Variants in NBAS observed in about 807,000 individuals in gnomAD.
NBAS encodes NAG/BC035112 fusion.
In NBAS, 219 loss-of-function variants were observed where a neutral mutation model predicts 302.5. That is an observed-to-expected ratio of 0.72 (90% CI 0.65 to 0.81). NBAS has a LOEUF of 0.81. NBAS is among the 30% of genes least tolerant of loss of function. NBAS has a pLI of 0.00. For synonymous variants in NBAS, 1,118 were observed against 1,021.6 expected (o/e 1.09, Z -1.80); for missense variants, 2,932 against 2,841.6 (o/e 1.03, Z -0.72).
intron 45 of NBAS, among the ~76,000 whole-genome samples, chr2:15,235,188 C>A (rs975994254): frequency 6.6e-6 from 1 of 152,156 alleles, no homozygotes; most frequent in African/African-American, 2.4e-5. Context: ...AGGTATTATA[C>A]ATATGGTATC....
intron 51 of NBAS, among the ~76,000 whole-genome samples, chr2:15,170,685 T>C (rs1424861183): frequency 1.3e-5 from 2 of 152,214 alleles, no homozygotes; most frequent in African/African-American, 4.8e-5. Flanking sequence ...ACTTTAAGAT[T>C]GTCAGCTGCA....
chr2:15,135,229 G>C, the NBAS span, among the ~76,000 whole-genome samples: 8 of 152,296 alleles, frequency 5.3e-5, no homozygotes, highest in South Asian at 1.2e-3. Context: ...AGGTGGCCTG[G>C]GGGGAGGCTG....
chr2:15,326,675 A>G lies in NBAS; in HGVS notation c.4582+1075T>C, dbSNP rs77544866. ...ATGTAAGATGTACCATAAATTTAAT[A>G]ATAGCTTTTTGGAGAAGAAAAGAAA... is the stretch of plus-strand genomic sequence containing the variant. On this transcript the variant is annotated intron_variant, in intron 38 of 51. Coordinates refer to ENST00000281513, the MANE Select transcript of NBAS (RefSeq NM_015909.4). Among the ~76,000 whole-genome samples the G allele has an allele frequency of 4.9e-3, 739 of 152,330 alleles. 11 individuals are homozygous for G. Among genetic ancestry groups the G allele is most frequent in the Non-Finnish European group, 4.2e-3 (289 of 68,026 alleles).
chr2:15,483,356 A>G (rs1429179063), intron 12 of NBAS: 9 of 438,452 alleles, frequency 2.1e-5, no homozygotes, highest in Non-Finnish European at 4.2e-5. Flanking sequence ...TCTACTTAAG[A>G]TTAGTCCAAC....
In NBAS at chr2:15,539,233, A is replaced by G. The variant is rs1663677128; in HGVS notation, c.503T>C (p.Val168Ala). The stretch of plus-strand genomic sequence containing the variant: ...AAGCTATGTACATACCGGGGAAATG[A>G]CAAAGAGTTCACTTCCCATGAGATC... ...VFDLMGSELFVISPASSFIGD... is the reference protein window; with the variant it reads ...VFDLMGSELFAISPASSFIGD... The change falls in exon 7 of 52, where the codon GTC becomes GCC. Residue 168 changes from valine (V) to alanine (A), a missense_variant. Coordinates refer to ENST00000281513, the MANE Select transcript of NBAS (RefSeq NM_015909.4). 3 of 1,614,104 alleles carry G rather than the reference A, an allele frequency of 1.9e-6. No homozygotes were observed. The highest frequency in any genetic ancestry group is 1.3e-5 in the African/African-American group (1 of 74,950).
intron 21 of NBAS, among the ~76,000 whole-genome samples, chr2:15,441,361 T>G (rs1295514149): frequency 8.2e-4 from 125 of 152,172 alleles, no homozygotes; most frequent in African/African-American, 2.9e-3. Context: ...TCAACATTCT[T>G]AAAGAAAAGA....
chr2:15,350,986 A>T lies in NBAS; in HGVS notation c.4179+1006T>A, dbSNP rs191439730. Among the ~76,000 whole-genome samples, 153 of 152,348 alleles carry T rather than the reference A, an allele frequency of 1.0e-3. No individual in the cohort carries two copies. The Middle Eastern group carries it at 0.01, about 10-fold the overall frequency. On this transcript the variant is annotated intron_variant, in intron 35 of 51. Transcript: ENST00000281513. ...TCACAATGCACATTTCCAGTGCTAC[A>T]TATATGCCTGAGAGAACTGTTTGCC...
At chr2:14,983,444 A>G in the NBAS span, among the ~76,000 whole-genome samples, 1 of 152,356 alleles carries the variant, frequency 6.6e-6, no homozygotes, top group East Asian at 1.9e-4. Flanking sequence ...CTTTATTTCT[A>G]AAGTGAGCAT....
intron 30 of NBAS, 127 bp from the exon 31 acceptor site, chr2:15,374,847 G>T: frequency 2.6e-6 from 2 of 781,172 alleles, no homozygotes; most frequent in Non-Finnish European, 4.3e-6. Context: ...TCCGCTGGAT[G>T]CCTTCTGTTA....
chr2:15,309,712 C>T (rs1014581833), intron 38 of NBAS, among the ~76,000 whole-genome samples: 20 of 152,202 alleles, frequency 1.3e-4, no homozygotes, highest in African/African-American at 4.8e-4. Flanking sequence ...GATTTTGTTC[C>T]TTCCAATAAC....
chr2:15,098,002 A>C, the NBAS span, among the ~76,000 whole-genome samples: 24 of 36,278 alleles, frequency 6.6e-4, no homozygotes, highest in African/African-American at 3.3e-3. Context: ...ATTGTATATA[A>C]TATATATATT....
intron 21 of NBAS, among the ~76,000 whole-genome samples, chr2:15,449,689 G>T (rs916598399): frequency 9.2e-5 from 14 of 152,120 alleles, no homozygotes; most frequent in African/African-American, 3.4e-4. Context: ...CCTACCACCA[G>T]ATCCTAACCC....
the NBAS span, among the ~76,000 whole-genome samples, chr2:14,985,826 G>A: frequency 6.6e-6 from 1 of 152,154 alleles, no homozygotes; most frequent in Non-Finnish European, 1.5e-5. Flanking sequence ...AAAATCAAAT[G>A]CAGTTAAAAT....
intron 9 of NBAS, among the ~76,000 whole-genome samples, chr2:15,517,299 T>G (rs1211944418): frequency 6.6e-6 from 1 of 152,124 alleles, no homozygotes; most frequent in Non-Finnish European, 1.5e-5. Context: ...ACAGTACTAT[T>G]TATAAAGCTG....
chr2:15,318,769 A>C (rs1466354756), intron 38 of NBAS, among the ~76,000 whole-genome samples: 5 of 152,192 alleles, frequency 3.3e-5, no homozygotes, highest in African/African-American at 1.2e-4. Context: ...AGAGACCTAA[A>C]AGAGACTTAG....
the NBAS span, among the ~76,000 whole-genome samples, chr2:14,816,711 A>C: frequency 6.6e-6 from 1 of 152,208 alleles, no homozygotes; most frequent in Non-Finnish European, 1.5e-5. Context: ...AATCCATTGT[A>C]CACTTTACTG....
At chr2:14,938,007 A>G in the NBAS span, among the ~76,000 whole-genome samples, 1 of 152,106 alleles carries the variant, frequency 6.6e-6, no homozygotes. Context: ...ACGCACATGT[A>G]ATCCTAGCTA....
intron 22 of NBAS, among the ~76,000 whole-genome samples, chr2:15,425,154 T>G (rs6749063): frequency 0.62 from 94,401 of 151,122 alleles, 30,200 homozygotes; most frequent in Middle Eastern, 0.68. Flanking sequence ...GCCTTCCATG[T>G]TTAAGGACAA....
the NBAS span, among the ~76,000 whole-genome samples, chr2:14,830,877 G>T: frequency 2.0e-5 from 3 of 152,188 alleles, no homozygotes; most frequent in African/African-American, 7.2e-5. Context: ...GATTTACACA[G>T]TTTGCCCATT....
Sources: gnomAD v4.1 joint callset for allele counts (sites outside exome capture counted in the v4.1 genomes callset) on GRCh38, gnomAD v4.1.1 for gene constraint, MANE v1.5 for transcripts, NCBI Gene and HGNC (gene_info 2026-07-23, HGNC 2026-07-21) for gene names.